The following BTAF1 variants were observed in gnomAD, a reference collection of about 807,000 sequenced individuals.
The protein encoded by BTAF1 is TATA-binding protein-associated factor 172.
Under a neutral mutation model 227.1 loss-of-function variants are expected in BTAF1, and 38 were observed. That is an observed-to-expected ratio of 0.17 (90% CI 0.13 to 0.22). BTAF1 has a LOEUF of 0.22. BTAF1 is among the 10% of genes least tolerant of loss of function. The probability of loss-of-function intolerance (pLI) is 1.00; values close to 1 mark genes in which losing one functional copy is unlikely to be tolerated. For synonymous variants in BTAF1, 742 were observed against 751.9 expected (o/e 0.99, Z 0.21); for missense variants, 1,598 against 2,204.0 (o/e 0.73, Z 5.51).
At position 92,013,571 on chromosome 10, in the gene BTAF1, C is replaced by CTA; in HGVS notation, c.4312-92_4312-91dup. ...TAAAAATATAGTGATAATCTCTCAT[C>CTA]TATATGATTATAATAATGGGCTTTC... On this transcript the variant is annotated intron_variant, in intron 30 of 37. Transcript: ENST00000265990. The CTA allele has an allele frequency of 2.1e-6, 3 of 1,451,658 alleles. No individual in the cohort carries two copies. In the Admixed American group the frequency reaches 5.3e-5, roughly 25 times the overall value. The allele number at this position is 1,451,658 out of a possible 1,614,324, so 89.9% of individuals were successfully genotyped here.
Position 91,951,513 on chromosome 10 carries a change from G to C in BTAF1, c.511G>C (p.Asp171His). The change falls in exon 5 of 38, where the codon GAT (aspartate) becomes CAT (histidine). Residue 171 changes from aspartate (D) to histidine (H), a missense_variant. By Grantham distance (81) the Asp-to-His change is moderately conservative. Transcript: ENST00000265990. Reference protein sequence around the residue: ...IGMSTEELFNDEDLDYTPTSA... With the variant: ...IGMSTEELFNHEDLDYTPTSA... ...AATGAGTACTGAAGAACTTTTCAAT[G>C]ATGAGGATTTGGATTATACCCCAAC... 1 of 1,611,334 alleles carries C rather than the reference G, an allele frequency of 6.2e-7. No individual in the cohort carries two copies. Among genetic ancestry groups the C allele is most frequent in the Non-Finnish European group, 8.5e-7 (1 of 1,179,052 alleles).
At position 91,951,404 on chromosome 10, in the gene BTAF1, T is replaced by C. The variant is rs915094552; in HGVS notation, c.402T>C (p.Gly134=). 1 of 1,607,456 alleles carries C rather than the reference T, an allele frequency of 6.2e-7. No homozygotes were observed. The highest frequency in any genetic ancestry group is 8.5e-7 in the Non-Finnish European group (1 of 1,178,272). Residue 134 remains glycine (G), a splice_region_variant and synonymous_variant, in exon 5 of 38, where the codon GGT becomes GGC. Transcript: ENST00000265990. The stretch of plus-strand genomic sequence containing the variant: ...AACGTATTTCTTTTCTGTTGAAAGG[T>C]GAAGTGGATCCTAAAGAGAGGATAG... ...AEFEVQDEKS[G]EVDPKERIAR... is the part of the protein sequence containing the mutation.
intron 35 of BTAF1, 125 bp downstream of exon 35, chr10:92,025,092 C>T (rs988220820): frequency 4.1e-6 from 3 of 736,186 alleles, no homozygotes; most frequent in African/African-American, 3.6e-5. Flanking sequence ...TGTAATTCAC[C>T]CCAAATAAAC....
At chr10:92,025,562 T>A (rs1416916448) in intron 35 of BTAF1, among the ~76,000 whole-genome samples, 1 of 151,998 alleles carries the variant, frequency 6.6e-6, no homozygotes, top group African/African-American at 2.4e-5. Context: ...ATCCCAGCAC[T>A]TTGGGAGGCC....
At chr10:91,972,024 T>C (rs1031924669) in intron 14 of BTAF1, among the ~76,000 whole-genome samples, 1 of 152,232 alleles carries the variant, frequency 6.6e-6, no homozygotes, top group Non-Finnish European at 1.5e-5. Context: ...ATAAAAATTA[T>C]CATCCTTTCT....
intron 25 of BTAF1, among the ~76,000 whole-genome samples, chr10:92,001,417 A>T (rs1849521682): frequency 6.6e-6 from 1 of 152,172 alleles, no homozygotes; most frequent in South Asian, 2.1e-4. Flanking sequence ...TCCAGACCTC[A>T]CACAGGGCTG....
Position 92,024,971 on chromosome 10 carries a change from A to G in BTAF1, c.5075+4A>G. On this transcript the variant is annotated splice_donor_region_variant and intron_variant, in intron 35 of 37. Transcript: ENST00000265990. ...AGAGGCATTCCATTGTTTCCCGGTA[A>G]GTGGCTTCTAAGACTCTTATTCATA... is the stretch of plus-strand genomic sequence containing the variant. The G allele has an allele frequency of 6.2e-7, 1 of 1,612,508 alleles. No homozygotes were observed. The highest frequency in any genetic ancestry group is 8.5e-7 in the Non-Finnish European group (1 of 1,178,754).
intron 25 of BTAF1, among the ~76,000 whole-genome samples, chr10:91,999,681 C>T (rs1849379916): frequency 6.6e-6 from 1 of 152,184 alleles, no homozygotes; most frequent in African/African-American, 2.4e-5. Context: ...ACGTGAGCCA[C>T]CACACCTGGC....
chr10:91,995,187 ATTC>A (rs1166562604), intron 23 of BTAF1, among the ~76,000 whole-genome samples: 3 of 152,158 alleles, frequency 2.0e-5, no homozygotes, highest in Non-Finnish European at 2.9e-5. Context: ...GAAGAATATT[ATTC>A]TTTTCATATC....
intron 1 of BTAF1, 95 bp downstream of exon 1, chr10:91,924,185 T>C: frequency 6.6e-7 from 1 of 1,504,930 alleles, no homozygotes; most frequent in Non-Finnish European, 8.9e-7. Flanking sequence ...GCGGTTCTCA[T>C]TGTCACTGGG....
Position 91,970,384 on chromosome 10 carries a change from C to A in BTAF1, c.1650+3627C>A, listed in dbSNP as rs566568895. Among the ~76,000 whole-genome samples the A allele has an allele frequency of 7.9e-5, 12 of 152,170 alleles. No homozygotes were observed. The South Asian group carries it at 1.2e-3, about 16-fold the overall frequency. ...GACATACCTGAGACTGGGCAATTTA[C>A]AAAAGAAAGAGGTTTAATTGGACTT... is the stretch of plus-strand genomic sequence containing the variant. On this transcript the variant is annotated intron_variant, in intron 14 of 37. Coordinates refer to ENST00000265990, the MANE Select transcript of BTAF1 (RefSeq NM_003972.3).
intron 4 of BTAF1, among the ~76,000 whole-genome samples, chr10:91,946,874 C>A (rs1845406277): frequency 6.6e-6 from 1 of 150,970 alleles, no homozygotes; most frequent in Non-Finnish European, 1.5e-5. Flanking sequence ...GAGTCTCACT[C>A]CATTACCCAG....
chr10:91,933,805 A>G (rs1844421024), intron 1 of BTAF1, among the ~76,000 whole-genome samples: 3 of 152,228 alleles, frequency 2.0e-5, no homozygotes, highest in Admixed American at 2.0e-4. Context: ...TAGAGAGTGG[A>G]GATCAAGCAG....
At chr10:91,955,972 A>G (rs760637839) in intron 6 of BTAF1, among the ~76,000 whole-genome samples, 37 of 152,236 alleles carry the variant, frequency 2.4e-4, no homozygotes, top group Non-Finnish European at 4.1e-4. Context: ...GAATGAAAGT[A>G]GTTTGACTTG....
intron 21 of BTAF1, 21 bp from the exon 22 acceptor site, chr10:91,993,673 T>TA: frequency 7.0e-7 from 1 of 1,426,764 alleles, no homozygotes; most frequent in Middle Eastern, 1.9e-4. Context: ...ATTCTGTTTT[T>TA]ATCTAACATT....
intron 14 of BTAF1, among the ~76,000 whole-genome samples, chr10:91,976,000 A>G (rs1847657689): frequency 6.6e-6 from 1 of 152,238 alleles, no homozygotes; most frequent in Admixed American, 6.5e-5. Context: ...CCCACAAGTT[A>G]GAGAGCTCAG....
chr10:92,018,116 C>T (rs1296493807), intron 33 of BTAF1, among the ~76,000 whole-genome samples: 1 of 152,098 alleles, frequency 6.6e-6, no homozygotes, highest in Non-Finnish European at 1.5e-5. Context: ...CTGAGTCTCG[C>T]TCTGTCACCC....
rs1851824426 is a variant in BTAF1 at position 92,030,489 on chromosome 10, C to T, written c.*1556C>T. On this transcript the variant is annotated 3_prime_UTR_variant, in exon 38 of 38. Transcript: ENST00000265990. ...TATTTTTTTATTAACTATTTATTTG[C>T]TAGTTCCATAAACCAGCTCTTTAAC... Among the ~76,000 whole-genome samples, 1 of 151,906 alleles carries T rather than the reference C, an allele frequency of 6.6e-6. No individual in the cohort carries two copies. Among genetic ancestry groups the T allele is most frequent in the Non-Finnish European group, 1.5e-5 (1 of 67,936 alleles).
chr10:91,991,432 G>A (rs1432705970), intron 20 of BTAF1, among the ~76,000 whole-genome samples: 1 of 150,268 alleles, frequency 6.7e-6, no homozygotes, highest in East Asian at 2.0e-4. Flanking sequence ...GTGGCAGAGT[G>A]AGACTCCATC....
Sources: gnomAD v4.1 joint callset for allele counts (sites outside exome capture counted in the v4.1 genomes callset) on GRCh38, gnomAD v4.1.1 for gene constraint, MANE v1.5 for transcripts, NCBI Gene and HGNC (gene_info 2026-07-23, HGNC 2026-07-21) for gene names.